ZFHX3: variants seen among roughly 807,000 people sequenced by gnomAD.
ZFHX3 encodes zinc finger homeobox protein 3.
Under a neutral mutation model 279.1 loss-of-function variants are expected in ZFHX3, and 42 were observed. That is an observed-to-expected ratio of 0.15 (90% CI 0.12 to 0.19). The LOEUF is 0.19. Ranked by LOEUF, ZFHX3 falls within the 10% of genes least tolerant of loss-of-function variation. The pLI is 1.00. For synonymous variants in ZFHX3, 2,293 were observed against 1,957.8 expected, an observed-to-expected ratio of 1.17 and a Z score of -4.52; for missense variants, 4,981 against 4,754.0, an observed-to-expected ratio of 1.05 and a Z score of -1.40.
In ZFHX3 at chr16:73,271,319, G is replaced by A. The variant is rs141688561; in HGVS notation, c.-1193-14183C>T. On this transcript the variant is annotated intron_variant, in intron 4 of 17. Transcript: ENST00000641206. ...CAGTCTTCTTGTTTTGAGACCCTCC[G>A]ATTTCAGTGTGTCCCATAGGCCATC... Among the ~76,000 whole-genome samples the A allele has an allele frequency of 5.3e-5, 8 of 152,232 alleles. No individual in the cohort carries two copies. The East Asian group carries it at 9.7e-4, about 18-fold the overall frequency.
upstream of ZFHX3, among the ~76,000 whole-genome samples, chr16:73,051,797 G>GCT (rs148282172): frequency 6.6e-6 from 1 of 152,026 alleles, no homozygotes; most frequent in Non-Finnish European, 1.5e-5. Context: ...TAGGTAAAGA[G>GCT]CTCTCTCTCT....
chr16:73,237,410 T>A (rs993003233), intron 5 of ZFHX3, among the ~76,000 whole-genome samples: 1 of 151,894 alleles, frequency 6.6e-6, no homozygotes, highest in African/African-American at 2.4e-5. Context: ...TATGCCCAGC[T>A]AATTTTTTTT....
intron 2 of ZFHX3, among the ~76,000 whole-genome samples, chr16:73,575,478 G>A (rs988845352): frequency 6.6e-6 from 1 of 152,172 alleles, no homozygotes; most frequent in Non-Finnish European, 1.5e-5. Context: ...AACAGGTGCA[G>A]GATGAAATTA....
chr16:72,906,412 A>G (rs575491630), intron 3 of ZFHX3, among the ~76,000 whole-genome samples: 17 of 152,120 alleles, frequency 1.1e-4, no homozygotes, highest in Admixed American at 8.5e-4. Flanking sequence ...AGCATCGCCA[A>G]TCTTATTCCA....
intron 1 of ZFHX3, among the ~76,000 whole-genome samples, chr16:73,818,827 T>G (rs1822466624): frequency 6.6e-6 from 1 of 152,174 alleles, no homozygotes; most frequent in South Asian, 2.1e-4. Context: ...GGCTGGAGAC[T>G]GATTAGTCAA....
At chr16:72,860,407 C>T (rs2037856682) in intron 4 of ZFHX3, among the ~76,000 whole-genome samples, 1 of 152,190 alleles carries the variant, frequency 6.6e-6, no homozygotes, top group South Asian at 2.1e-4. Flanking sequence ...GTGTGTCCCT[C>T]CAAACCACCT....
At chr16:73,360,138 A>G (rs2016411753) in intron 3 of ZFHX3, among the ~76,000 whole-genome samples, 1 of 152,222 alleles carries the variant, frequency 6.6e-6, no homozygotes, top group Admixed American at 6.5e-5. Context: ...TACAGGGACA[A>G]TAAGACAGTT....
At chr16:73,881,912 C>T (rs1427524052) in intron 1 of ZFHX3, among the ~76,000 whole-genome samples, 1 of 152,102 alleles carries the variant, frequency 6.6e-6, no homozygotes, top group Non-Finnish European at 1.5e-5. Context: ...CTCCAGTTTC[C>T]CTGCCTTTGC....
chr16:73,209,162 T>A (rs759590428), intron 5 of ZFHX3, among the ~76,000 whole-genome samples: 3 of 152,210 alleles, frequency 2.0e-5, no homozygotes, highest in Non-Finnish European at 4.4e-5. Context: ...TATTAGAGAT[T>A]GAAATGGAGA....
In ZFHX3 at chr16:72,784,721, A is replaced by T. The variant is rs2035281255; in HGVS notation, c.*2443T>A. 1 of 152,582 alleles carries T rather than the reference A, an allele frequency of 6.6e-6. No homozygotes were observed. The highest frequency in any genetic ancestry group is 2.4e-5 in the African/African-American group (1 of 41,460). 9.5% of individuals were successfully genotyped at this position (152,582 alleles called of 1,614,324 possible). On this transcript the variant is annotated 3_prime_UTR_variant, in exon 10 of 10. Coordinates refer to ENST00000268489, the MANE Select transcript of ZFHX3 (RefSeq NM_006885.4). The stretch of plus-strand genomic sequence containing the variant: ...AATGTTTTGCGTACTTGCTTTTGAC[A>T]CCTTATGCTACAACTGGATACTGGT...
intron 1 of ZFHX3, among the ~76,000 whole-genome samples, chr16:73,771,162 T>C (rs1322220841): frequency 6.6e-6 from 1 of 152,196 alleles, no homozygotes; most frequent in Non-Finnish European, 1.5e-5. Flanking sequence ...CAGAAAGTCC[T>C]TAGAAAACAG....
At chr16:73,515,099 T>C (rs1448161543) in intron 2 of ZFHX3, among the ~76,000 whole-genome samples, 8 of 152,240 alleles carry the variant, frequency 5.3e-5, no homozygotes, top group Admixed American at 5.2e-4. Flanking sequence ...TTTAGAGTCT[T>C]GCACAGGCCA....
chr16:73,023,038 G>C (rs1296818151), intron 1 of ZFHX3, among the ~76,000 whole-genome samples: 1 of 152,120 alleles, frequency 6.6e-6, no homozygotes, highest in Non-Finnish European at 1.5e-5. Flanking sequence ...GGCCAACCTG[G>C]CCAACATGGC....
intron 7 of ZFHX3, among the ~76,000 whole-genome samples, chr16:73,120,584 C>T (rs554921339): frequency 1.3e-5 from 2 of 151,780 alleles, no homozygotes; most frequent in South Asian, 2.1e-4. Context: ...AAACCCCATA[C>T]CTTTCTTCAT....
At chr16:73,245,277 T>G (rs1597239925) in intron 5 of ZFHX3, among the ~76,000 whole-genome samples, 1 of 152,298 alleles carries the variant, frequency 6.6e-6, no homozygotes, top group East Asian at 1.9e-4. Context: ...TTTTTTTGTT[T>G]GTTTCTTTGT....
At chr16:72,807,889 C>T (rs1244979983) in intron 7 of ZFHX3, 1 of 152,172 alleles carries the variant, frequency 6.6e-6, no homozygotes, top group Non-Finnish European at 1.5e-5. Context: ...TCATCCTAGC[C>T]ACTCAGGGAC....
chr16:73,862,362 T>C (rs184970881), intron 1 of ZFHX3, among the ~76,000 whole-genome samples: 243 of 152,310 alleles, frequency 1.6e-3, no homozygotes, highest in Non-Finnish European at 2.8e-3. Flanking sequence ...CAACTACATA[T>C]TGGAAAGTTC....
At chr16:73,310,763 T>C (rs1178969956) in intron 4 of ZFHX3, among the ~76,000 whole-genome samples, 1 of 152,190 alleles carries the variant, frequency 6.6e-6, no homozygotes, top group Non-Finnish European at 1.5e-5. Flanking sequence ...AATAAAAGAA[T>C]CGTTAAAAAT....
At position 72,788,066 on chromosome 16, in the gene ZFHX3, G is replaced by A. The variant is rs150064087; in HGVS notation, c.10210C>T (p.Pro3404Ser). ...QQPKASQTPV[P>S]PGAPSPDKDP... ...TTGTCTGGGGAAGGAGCCCCGGGGG[G>A]GACTGGGGTTTGGCTTGCTTTGGGC... Residue 3404 changes from proline (P) to serine (S), a missense_variant, in exon 10 of 10, where the codon CCC becomes TCC. Physicochemically the swap from Pro to Ser is moderately conservative, Grantham distance 74 (BLOSUM62 -1). Around this residue, in one of 7 missense-constraint regions of ZFHX3, gnomAD observed 1,034 missense variants for 786.0 expected, o/e 1.32. Coordinates refer to ENST00000268489, the MANE Select transcript of ZFHX3 (RefSeq NM_006885.4). The A allele has an allele frequency of 1.4e-5, 23 of 1,611,766 alleles. No individual in the cohort carries two copies. The Admixed American group carries it at 2.7e-4, about 19-fold the overall frequency.
Sources: allele counts gnomAD v4.1 joint callset (sites outside exome capture counted in the v4.1 genomes callset), GRCh38; gene constraint gnomAD v4.1.1; regional missense constraint gnomAD v4.1.1; transcripts MANE v1.5; gene names NCBI Gene and HGNC (gene_info 2026-07-23, HGNC 2026-07-21).